The following KPNA3 variants were observed in gnomAD, a reference collection of about 807,000 sequenced individuals.
The protein encoded by KPNA3 is karyopherin subunit alpha 3.
In KPNA3, 13 loss-of-function variants were observed where a neutral mutation model predicts 73.8. The observed-to-expected ratio is 0.18, with a 90% CI of 0.11 to 0.28. The LOEUF is 0.28. Among genes scored for constraint, KPNA3 ranks in the 10% least tolerant of loss-of-function variants. The pLI is 1.00. For missense variants in KPNA3, 360 were observed against 618.1 expected (o/e 0.58, Z 4.43); for synonymous variants, 186 against 206.9 (o/e 0.90, Z 0.87).
chr13:49,792,439 T>C lies in KPNA3; in HGVS notation c.68A>G (p.Glu23Gly), dbSNP rs780286546. The C allele has an allele frequency of 2.5e-6, 4 of 1,573,052 alleles. No individual in the cohort carries two copies. Among genetic ancestry groups the C allele is most frequent in the Non-Finnish European group, 2.6e-6 (3 of 1,161,582 alleles). ...KSFKNKGRDV[E>G]TMRRHRNEVT... ...CCCAGACCGCGGAAGCACACTCACT[T>C]CCACATCGCGGCCCTTGTTCTTGAA... is the stretch of plus-strand genomic sequence containing the variant. Residue 23 changes from glutamate (E) to glycine (G), a missense_variant and splice_region_variant, in exon 1 of 17, where the codon GAA (glutamate) becomes GGA (glycine). Physicochemically the swap from Glu to Gly is moderately conservative, Grantham distance 98 (BLOSUM62 -2). Coordinates refer to ENST00000261667, the MANE Select transcript of KPNA3 (RefSeq NM_002267.4).
rs781381421 is a variant in KPNA3 at position 49,733,029 on chromosome 13, G to A, written c.132C>T (p.His44=). 8 of 1,608,664 alleles carry A rather than the reference G, an allele frequency of 5.0e-6. No individual in the cohort carries two copies. The highest frequency in any genetic ancestry group is 3.3e-5 in the Admixed American group (2 of 59,814). The stretch of plus-strand genomic sequence containing the variant: ...GGGGAACATTTCTCTTTTTCAATAA[G>A]TGTTCATCTCTTTTGTTCTGAAAGG... ...VELRKNKRDE[H]LLKKRNVPQE... Residue 44 remains histidine (H), a synonymous_variant, in exon 3 of 17, where the codon CAC becomes CAT. Coordinates refer to ENST00000261667, the MANE Select transcript of KPNA3 (RefSeq NM_002267.4).
Position 49,725,418 on chromosome 13 carries a change from G to C in KPNA3, c.467C>G (p.Ser156Cys), listed in dbSNP as rs567901349. The change falls in exon 7 of 17, where the codon TCT becomes TGT. Residue 156 changes from serine (S) to cysteine (C), a missense_variant and splice_region_variant. Ser to Cys is a moderately radical substitution (Grantham distance 112, BLOSUM62 -1). Around this residue, in one of 3 missense-constraint regions of KPNA3, gnomAD observed 287 missense variants for 549.1 expected, o/e 0.52. Coordinates refer to ENST00000261667, the MANE Select transcript of KPNA3 (RefSeq NM_002267.4). ...TSAQTQAVVQ[S>C]NAVPLFLRLL... ...CAGACAGTAAGGAATTTACTTACTA[G>C]ACTGCACAACAGCTTGAGTCTGTGC... 2 of 1,597,130 alleles carry C rather than the reference G, an allele frequency of 1.3e-6. No individual in the cohort carries two copies. Among genetic ancestry groups the C allele is most frequent in the South Asian group, 1.1e-5 (1 of 89,446 alleles).
At chr13:49,715,741 A>G (rs9596175) in intron 10 of KPNA3, among the ~76,000 whole-genome samples, 18,142 of 152,230 alleles carry the variant, frequency 0.12, 2,172 homozygotes, top group East Asian at 0.58. Context: ...GGCAGTATGC[A>G]ACGAAATTAC....
At chr13:49,790,522 C>A (rs1955024329) in intron 1 of KPNA3, among the ~76,000 whole-genome samples, 1 of 152,330 alleles carries the variant, frequency 6.6e-6, no homozygotes, top group African/African-American at 2.4e-5. Flanking sequence ...ATACTTGTTA[C>A]ACAGATTAAA....
At chr13:49,737,515 TTTAAA>T (rs1227827710) in intron 2 of KPNA3, among the ~76,000 whole-genome samples, 1 of 152,052 alleles carries the variant, frequency 6.6e-6, no homozygotes, top group Non-Finnish European at 1.5e-5. Context: ...TTCACATCTT[TTTAAA>T]TTAGACTGTT....
At position 49,732,990 on chromosome 13, in the gene KPNA3, T is replaced by C. The variant is rs61750352; in HGVS notation, c.171A>G (p.Leu57=). 8,583 of 1,611,140 alleles carry C rather than the reference T, an allele frequency of 5.3e-3. 396 individuals are homozygous for C. The African/African-American group carries it at 0.099, about 19-fold the overall frequency. Residue 57 remains leucine, a synonymous_variant, in exon 3 of 17, where the codon CTA becomes CTG. Coordinates refer to ENST00000261667, the MANE Select transcript of KPNA3 (RefSeq NM_002267.4). ...KKRNVPQEES[L]EDSDVDADFK... ...AATCAGCATCAACATCTGAATCTTCTAGACTTTCTTCTTGGGGAACATTTC... is the reference window on the plus strand; with the variant it reads ...AATCAGCATCAACATCTGAATCTTCCAGACTTTCTTCTTGGGGAACATTTC...
chr13:49,783,057 G>A (rs999553284), intron 1 of KPNA3, among the ~76,000 whole-genome samples: 4 of 152,016 alleles, frequency 2.6e-5, no homozygotes, highest in East Asian at 1.9e-4. Flanking sequence ...CTCCACAAGC[G>A]TAAAAATCAA....
intron 1 of KPNA3, among the ~76,000 whole-genome samples, chr13:49,788,715 C>CTCTT: frequency 9.8e-6 from 1 of 101,786 alleles, no homozygotes; most frequent in Middle Eastern, 4.5e-3. Context: ...GAGCCAGACC[C>CTCTT]TCTTTTTTTT....
At chr13:49,776,555 A>C (rs1594461669) in intron 1 of KPNA3, among the ~76,000 whole-genome samples, 1 of 152,180 alleles carries the variant, frequency 6.6e-6, no homozygotes, top group Non-Finnish European at 1.5e-5. Flanking sequence ...TTAGAATCAC[A>C]ATTTTTATTT....
At chr13:49,762,724 CTGCGGTAGGCCGCAGGG>C (rs560784387) in intron 1 of KPNA3, among the ~76,000 whole-genome samples, 127 of 152,234 alleles carry the variant, frequency 8.3e-4, no homozygotes, top group Middle Eastern at 3.4e-3. Flanking sequence ...GACACAAACA[CTGCGGTAGGCCGCAGGG>C]TCCTCTGCCT....
At chr13:49,771,620 A>T (rs765292) in intron 1 of KPNA3, among the ~76,000 whole-genome samples, 18,152 of 151,972 alleles carry the variant, frequency 0.12, 2,179 homozygotes, top group East Asian at 0.58. Context: ...CCAGCTTTTT[A>T]AATTTTTGAT....
intron 1 of KPNA3, among the ~76,000 whole-genome samples, chr13:49,771,864 C>T (rs183909938): frequency 1.9e-3 from 282 of 152,224 alleles, no homozygotes; most frequent in Non-Finnish European, 2.4e-3. Context: ...CCATGTTGCC[C>T]AGGCTGGTCT....
intron 6 of KPNA3, among the ~76,000 whole-genome samples, chr13:49,731,889 T>C (rs1954473496): frequency 6.6e-6 from 1 of 152,154 alleles, no homozygotes; most frequent in African/African-American, 2.4e-5. Context: ...AAGTCTGACA[T>C]TGGACAACTT....
intron 6 of KPNA3, among the ~76,000 whole-genome samples, chr13:49,726,145 A>AGGGGTG (rs1954407419): frequency 1.3e-5 from 2 of 152,108 alleles, no homozygotes; most frequent in Non-Finnish European, 2.9e-5. Context: ...CCCTAATATC[A>AGGGGTG]AGTGCTAGTT....
At chr13:49,701,929 G>T in intron 16 of KPNA3, 31 bp from the exon 17 acceptor site, 1 of 1,409,266 alleles carries the variant, frequency 7.1e-7, no homozygotes, top group South Asian at 1.2e-5. Flanking sequence ...ATCCTTATTA[G>T]GTTATGATAC....
chr13:49,751,046 A>T (rs1412670189), intron 1 of KPNA3, among the ~76,000 whole-genome samples: 6 of 152,222 alleles, frequency 3.9e-5, no homozygotes, highest in Non-Finnish European at 5.9e-5. Context: ...GATCTGTATC[A>T]AGAGGAGATA....
intron 6 of KPNA3, among the ~76,000 whole-genome samples, chr13:49,727,708 C>T (rs897200608): frequency 5.3e-5 from 8 of 151,934 alleles, no homozygotes; most frequent in South Asian, 2.1e-4. Context: ...TTTCTATACA[C>T]GTCTGAACAT....
intron 1 of KPNA3, among the ~76,000 whole-genome samples, chr13:49,749,054 C>T (rs1954641072): frequency 6.6e-6 from 1 of 152,104 alleles, no homozygotes; most frequent in African/African-American, 2.4e-5. Flanking sequence ...GCAATATTTG[C>T]AACACTTAAC....
At chr13:49,756,268 T>A (rs1954711031) in intron 1 of KPNA3, among the ~76,000 whole-genome samples, 1 of 152,142 alleles carries the variant, frequency 6.6e-6, no homozygotes. Context: ...AGATAGACCC[T>A]GCCTCAAAAC....
Sources: allele counts gnomAD v4.1 joint callset (sites outside exome capture counted in the v4.1 genomes callset), GRCh38; gene constraint gnomAD v4.1.1; regional missense constraint gnomAD v4.1.1; transcripts MANE v1.5; gene names NCBI Gene and HGNC (gene_info 2026-07-23, HGNC 2026-07-21).